RNF111: variants seen among roughly 807,000 people sequenced by gnomAD.
RNF111 encodes E3 ubiquitin-protein ligase Arkadia.
RNF111 carries 17 observed loss-of-function variants against 95.1 expected under a neutral mutation model. The ratio of observed to expected loss-of-function variants is 0.18; its 90% CI spans 0.12 to 0.27. The LOEUF (loss-of-function observed/expected upper bound fraction) is 0.27. Ranked by LOEUF, RNF111 falls within the 10% of genes least tolerant of loss-of-function variation. The pLI is 1.00. For synonymous variants in RNF111, 440 were observed against 414.8 expected (o/e 1.06, Z -0.74); for missense variants, 1,189 against 1,210.4 (o/e 0.98, Z 0.26).
chr15:59,058,738 A>G (rs1052303203), intron 5 of RNF111, 188 bp downstream of exon 5: 5 of 581,116 alleles, frequency 8.6e-6, no homozygotes, highest in Non-Finnish European at 1.2e-5. Context: ...TTTGTGTGCT[A>G]TATGTAACCA....
chr15:59,043,483 G>A (rs1257577666), intron 2 of RNF111, among the ~76,000 whole-genome samples: 1 of 152,086 alleles, frequency 6.6e-6, no homozygotes, highest in Non-Finnish European at 1.5e-5. Flanking sequence ...TTTATTCCTT[G>A]GCTGGGCCCT....
chr15:59,081,315 A>G (rs1476353294), intron 8 of RNF111, 31 bp downstream of exon 8: 4 of 1,581,552 alleles, frequency 2.5e-6, no homozygotes, highest in East Asian at 2.3e-5. Context: ...AAGAAAGTCA[A>G]GTTTGCTTTT....
Position 59,094,771 on chromosome 15 carries a change from T to C in RNF111, c.2844-12T>C, listed in dbSNP as rs1332477209. Reference sequence around the variant, plus strand: ...AATTAATTTTTGCTTTTTGTTTTCTTGCCAATAATAGACGTCTTCCATGTA... The same window carrying C: ...AATTAATTTTTGCTTTTTGTTTTCTCGCCAATAATAGACGTCTTCCATGTA... On this transcript the variant is annotated splice_polypyrimidine_tract_variant and intron_variant, in intron 13 of 13. Transcript: ENST00000348370. 1.1e-5 allele frequency: 17 copies of C among 1,497,930 alleles called. No individual in the cohort carries two copies. In the Admixed American group the frequency reaches 2.7e-4, roughly 24 times the overall value. The allele number at this position is 1,497,930 out of a possible 1,614,324, so 92.8% of individuals were successfully genotyped here.
rs773820641 is a variant in RNF111 at position 59,058,349 on chromosome 15, T to C, written c.1172-7T>C. 6.2e-7 allele frequency: 1 copy of C among 1,612,106 alleles called. No homozygotes were observed. Among genetic ancestry groups the C allele is most frequent in the South Asian group, 1.1e-5 (1 of 91,052 alleles). On this transcript the variant is annotated splice_region_variant and splice_polypyrimidine_tract_variant and intron_variant, in intron 4 of 13. Transcript: ENST00000348370. Reference sequence around the variant, plus strand: ...GAAATGCTAAGTTGACATTTTGTATTTTGTAGAACCTACTGTAGTACCAAC... The same window carrying C: ...GAAATGCTAAGTTGACATTTTGTATCTTGTAGAACCTACTGTAGTACCAAC...
At chr15:59,041,786 A>AT (rs1465909812) in intron 2 of RNF111, among the ~76,000 whole-genome samples, 62 of 152,104 alleles carry the variant, frequency 4.1e-4, no homozygotes, top group African/African-American at 1.5e-3. Context: ...TTCCAACAGA[A>AT]TATGTTGTCA....
chr15:59,066,869 C>T lies in RNF111; in HGVS notation c.1472C>T (p.Ser491Leu), dbSNP rs1189716126. The change falls in exon 6 of 14, where the codon TCA (serine) becomes TTA (leucine). Residue 491 changes from serine (S) to leucine (L), a missense_variant. Coordinates refer to ENST00000348370, the MANE Select transcript of RNF111 (RefSeq NM_017610.8). Reference sequence around the variant, plus strand: ...CAGCACTCACCATGTGGAGGGTCGTCACAGAACCACCATGCATTAGGACAT... The same window carrying T: ...CAGCACTCACCATGTGGAGGGTCGTTACAGAACCACCATGCATTAGGACAT... ...CPQHSPCGGSSQNHHALGHPH... is the reference protein window; with the variant it reads ...CPQHSPCGGSLQNHHALGHPH... The T allele has an allele frequency of 5.0e-6, 8 of 1,614,038 alleles. No individual in the cohort carries two copies. The highest frequency in any genetic ancestry group is 5.9e-6 in the Non-Finnish European group (7 of 1,180,006).
intron 4 of RNF111, among the ~76,000 whole-genome samples, chr15:59,056,191 A>T (rs1596224759): frequency 6.6e-6 from 1 of 152,222 alleles, no homozygotes; most frequent in African/African-American, 2.4e-5. Flanking sequence ...ATAAACACAA[A>T]AGCAGTATAA....
Position 59,055,739 on chromosome 15 carries a change from T to G in RNF111, c.1065T>G (p.His355Gln), listed in dbSNP as rs545812316. ...RSHWSQGSSS[H>Q]ASRPQEPRNR... ...ATTGGAGCCAGGGTTCCAGTTCTCA[T>G]GCAAGTCGGCCACAGGAGCCACGGA... Residue 355 changes from histidine (H) to glutamine (Q), a missense_variant, in exon 4 of 14, where the codon CAT (histidine) becomes CAG (glutamine). This residue lies in a region of RNF111 where 1,024 missense variants were observed against 925.9 expected (regional missense o/e 1.11). Coordinates refer to ENST00000348370, the MANE Select transcript of RNF111 (RefSeq NM_017610.8). 1.2e-6 allele frequency: 2 copies of G among 1,613,978 alleles called. No homozygotes were observed. The highest frequency in any genetic ancestry group is 2.7e-5 in the African/African-American group (2 of 75,036).
intron 3 of RNF111, among the ~76,000 whole-genome samples, chr15:59,054,554 C>T (rs2042126819): frequency 6.6e-6 from 1 of 152,170 alleles, no homozygotes; most frequent in Non-Finnish European, 1.5e-5. Context: ...CAAGACATGG[C>T]TATCTTGGCT....
chr15:59,023,702 G>A (rs78293059), intron 1 of RNF111, among the ~76,000 whole-genome samples: 2,285 of 152,194 alleles, frequency 0.015, 43 homozygotes, highest in East Asian at 0.031. Context: ...AGCCTTTCCA[G>A]AAGAATGTTT....
intron 3 of RNF111, among the ~76,000 whole-genome samples, chr15:59,055,063 GA>G: frequency 6.6e-6 from 1 of 152,304 alleles, no homozygotes; most frequent in Admixed American, 6.5e-5. Flanking sequence ...AATGAAGTTA[GA>G]TGTTTAGGGT....
chr15:59,061,476 T>G (rs945950344), intron 5 of RNF111, among the ~76,000 whole-genome samples: 7 of 152,206 alleles, frequency 4.6e-5, no homozygotes, highest in African/African-American at 1.4e-4. Flanking sequence ...AAGTGCCTAT[T>G]TCAAAACACT....
At chr15:59,093,155 A>C (rs1297211969) in intron 13 of RNF111, among the ~76,000 whole-genome samples, 1 of 152,188 alleles carries the variant, frequency 6.6e-6, no homozygotes, top group African/African-American at 2.4e-5. Context: ...AGTGGGAAAT[A>C]TACTGCCTAT....
At chr15:59,046,408 G>T (rs761338299) in intron 2 of RNF111, among the ~76,000 whole-genome samples, 3 of 152,140 alleles carry the variant, frequency 2.0e-5, no homozygotes, top group Non-Finnish European at 4.4e-5. Context: ...ACCCAGGCTG[G>T]TCTCGCACTC....
chr15:59,092,690 A>T, intron 13 of RNF111, 50 bp downstream of exon 13: 3 of 1,513,882 alleles, frequency 2.0e-6, no homozygotes, highest in Non-Finnish European at 2.7e-6. Flanking sequence ...TGTACATGGG[A>T]TTTTATTTGA....
chr15:59,007,666 A>AGT (rs1430564427), intron 1 of RNF111, among the ~76,000 whole-genome samples: 1 of 152,148 alleles, frequency 6.6e-6, no homozygotes, highest in Non-Finnish European at 1.5e-5. Flanking sequence ...TATCCTTGCC[A>AGT]GTGTTTGGTG....
At chr15:58,996,107 A>G (rs1227899629) in intron 1 of RNF111, among the ~76,000 whole-genome samples, 1 of 151,934 alleles carries the variant, frequency 6.6e-6, no homozygotes. Context: ...ATACATAATG[A>G]GTTATGTTCT....
At chr15:59,013,541 T>A (rs2141575122) in intron 1 of RNF111, among the ~76,000 whole-genome samples, 1 of 152,324 alleles carries the variant, frequency 6.6e-6, no homozygotes, top group East Asian at 1.9e-4. Flanking sequence ...GCCTTTCTCA[T>A]CACATTGTAT....
chr15:59,019,151 G>C (rs1010063453), intron 1 of RNF111, among the ~76,000 whole-genome samples: 1 of 149,672 alleles, frequency 6.7e-6, no homozygotes, highest in Non-Finnish European at 1.5e-5. Flanking sequence ...GTTGCCCAGG[G>C]TGGTTTTGAA....
Sources: allele counts gnomAD v4.1 joint callset (sites outside exome capture counted in the v4.1 genomes callset), GRCh38; gene constraint gnomAD v4.1.1; regional missense constraint gnomAD v4.1.1; transcripts MANE v1.5; gene names NCBI Gene and HGNC (gene_info 2026-07-23, HGNC 2026-07-21).